SHTN1: variants seen among roughly 807,000 people sequenced by gnomAD.
SHTN1 encodes shootin 1, also known as shootin-1.
SHTN1 carries 42 observed loss-of-function variants against 83.1 expected under a neutral mutation model. That is an observed-to-expected ratio of 0.51 (90% CI 0.39 to 0.65). The LOEUF is 0.65. Ranked by LOEUF, SHTN1 falls within the 30% of genes least tolerant of loss-of-function variation. The pLI is 0.00. For synonymous variants in SHTN1, 224 were observed against 247.7 expected (o/e 0.90, Z 0.90); for missense variants, 622 against 737.8 (o/e 0.84, Z 1.82).
intron 6 of SHTN1, 88 bp from the exon 7 acceptor site, chr10:116,949,085 C>T (rs1849686688): frequency 1.5e-6 from 2 of 1,300,066 alleles, no homozygotes; most frequent in Admixed American, 3.7e-5. Flanking sequence ...TGCTGTTCAA[C>T]TTTCAACATG....
chr10:117,002,045 A>G (rs1851838211), intron 1 of SHTN1, among the ~76,000 whole-genome samples: 1 of 152,216 alleles, frequency 6.6e-6, no homozygotes, highest in East Asian at 1.9e-4. Flanking sequence ...CAGGCCATCA[A>G]ATGAATAAAG....
At chr10:117,112,522 T>C (rs1853782688) in intron 1 of SHTN1, among the ~76,000 whole-genome samples, 1 of 152,250 alleles carries the variant, frequency 6.6e-6, no homozygotes, top group Admixed American at 6.5e-5. Context: ...ACAATAACCA[T>C]TGTTTCATTA....
chr10:116,883,988 C>A lies in SHTN1; in HGVS notation c.*2356G>T, dbSNP rs553769828. ...AAAGTACCTCTATCTCTGTTCCTCA[C>A]TCGGGCTATAAAATGCATCAACATT... On this transcript the variant is annotated 3_prime_UTR_variant, in exon 17 of 17. Transcript: ENST00000355371. The A allele has an allele frequency of 1.8e-5, 4 of 224,830 alleles. No individual in the cohort carries two copies. Among genetic ancestry groups the A allele is most frequent in the Non-Finnish European group, 3.7e-5 (4 of 107,470 alleles). The allele number at this position is 224,830 out of a possible 1,614,324, so 13.9% of individuals were successfully genotyped here.
intron 8 of SHTN1, 101 bp downstream of exon 8, chr10:116,944,823 G>A (rs561890524): frequency 1.1e-4 from 79 of 737,266 alleles, no homozygotes; most frequent in South Asian, 8.4e-4. Flanking sequence ...TCAGGGAGTC[G>A]GAGGTTGCAG....
chr10:117,071,073 TAAC>T (rs1340716309), intron 1 of SHTN1, among the ~76,000 whole-genome samples: 3 of 152,154 alleles, frequency 2.0e-5, no homozygotes, highest in Non-Finnish European at 4.4e-5. Context: ...TTCCTACCTT[TAAC>T]AATAAAGCAG....
intron 1 of SHTN1, among the ~76,000 whole-genome samples, chr10:117,102,457 G>A (rs1418594525): frequency 6.6e-6 from 1 of 152,076 alleles, no homozygotes; most frequent in African/African-American, 2.4e-5. Context: ...CTGAGGAAAT[G>A]GGCTGCCAGT....
chr10:116,896,115 A>G (rs952879186), intron 16 of SHTN1, among the ~76,000 whole-genome samples: 2 of 152,232 alleles, frequency 1.3e-5, no homozygotes, highest in African/African-American at 2.4e-5. Flanking sequence ...AAAGAGTAAT[A>G]GAAGTATTAA....
At chr10:117,104,052 G>A (rs907580816) in intron 1 of SHTN1, among the ~76,000 whole-genome samples, 1 of 152,122 alleles carries the variant, frequency 6.6e-6, no homozygotes, top group African/African-American at 2.4e-5. Context: ...TATAGATGGG[G>A]AAGCTGAGGC....
At chr10:116,900,711 A>C in intron 16 of SHTN1, 1 of 984,078 alleles carries the variant, frequency 1.0e-6, no homozygotes, top group Non-Finnish European at 1.2e-6. Context: ...ATGGAGAATG[A>C]ATATAGATCA....
chr10:117,120,052 G>A (rs530170695), intron 1 of SHTN1, among the ~76,000 whole-genome samples: 3 of 152,152 alleles, frequency 2.0e-5, no homozygotes, highest in Non-Finnish European at 2.9e-5. Context: ...GGGAGCAGTG[G>A]GGCAGGTAAG....
At chr10:116,960,356 G>C in intron 3 of SHTN1, 126 bp from the exon 4 acceptor site, 1 of 560,134 alleles carries the variant, frequency 1.8e-6, no homozygotes, top group East Asian at 2.8e-5. Flanking sequence ...AGCTATCACT[G>C]AAAAAAGGTT....
rs369395676 is a variant in SHTN1, at chr10:117,061,659, C to T, written c.-188-13149G>A. On this transcript the variant is annotated intron_variant, in intron 1 of 17. Transcript: ENST00000392901. Reference sequence around the variant, plus strand: ...CAATTTTGTATTTTTTTAGTAGAGACGGGGTTTCTCTATGTTGGTCAGGCT... The same window carrying T: ...CAATTTTGTATTTTTTTAGTAGAGATGGGGTTTCTCTATGTTGGTCAGGCT... Among the ~76,000 whole-genome samples, 9 of 151,836 alleles carry T rather than the reference C, an allele frequency of 5.9e-5. No homozygotes were observed. In the South Asian group the frequency reaches 1.0e-3, roughly 18 times the overall value.
At chr10:117,010,662 AT>A (rs1215057307) in intron 2 of SHTN1, among the ~76,000 whole-genome samples, 1 of 152,222 alleles carries the variant, frequency 6.6e-6, no homozygotes, top group Non-Finnish European at 1.5e-5. Flanking sequence ...TCTTATGAAT[AT>A]GGTTGCAAAA....
intron 16 of SHTN1, among the ~76,000 whole-genome samples, chr10:116,890,111 G>A (rs1017906443): frequency 6.6e-6 from 1 of 152,122 alleles, no homozygotes; most frequent in Non-Finnish European, 1.5e-5. Flanking sequence ...AGAAATCCCA[G>A]AAGCTCAAAT....
rs1850135235 is a variant in SHTN1 at position 116,960,173 on chromosome 10, T to C, written c.230A>G (p.Lys77Arg). 6.2e-7 allele frequency: 1 copy of C among 1,611,808 alleles called. No homozygotes were observed. The highest frequency in any genetic ancestry group is 1.7e-5 in the Admixed American group (1 of 60,000). Residue 77 changes from lysine (K) to arginine (R), a missense_variant, in exon 4 of 17, where the codon AAG becomes AGG. This residue lies in a region of SHTN1 where 383 missense variants were observed against 455.8 expected (regional missense o/e 0.84). Transcript: ENST00000355371. ...NFMQNHLEIE[K>R]TCRESAEALA... Reference sequence around the variant, plus strand: ...AGCTTCAGCACTTTCTCGACAAGTCTTCTCTATTTCAAGATGGTTCTGCAT... The same window carrying C: ...AGCTTCAGCACTTTCTCGACAAGTCCTCTCTATTTCAAGATGGTTCTGCAT...
At chr10:116,965,545 C>T (rs1041516986) in intron 3 of SHTN1, among the ~76,000 whole-genome samples, 9 of 152,102 alleles carry the variant, frequency 5.9e-5, no homozygotes, top group South Asian at 4.2e-4. Flanking sequence ...AGTAGGTTAA[C>T]GTTACAGGGA....
At chr10:116,899,915 G>A (rs934554090) in intron 16 of SHTN1, among the ~76,000 whole-genome samples, 1 of 152,054 alleles carries the variant, frequency 6.6e-6, no homozygotes, top group Non-Finnish European at 1.5e-5. Context: ...CAGTTTCAGG[G>A]GATTCTGACA....
chr10:117,005,379 CGGCAGGACGCGCTGGTGGGAGGGGG>C, upstream of SHTN1: 1 of 1,187,954 alleles, frequency 8.4e-7, no homozygotes, highest in African/African-American at 1.6e-5. Context: ...GCTGCCGGCG[CGGCAGGACGCGCTGGTGGGAGGGGG>C]GGCGGCCCTG....
chr10:116,881,972 CTCAG>C lies in SHTN1; in HGVS notation c.*4368_*4371del, dbSNP rs199801195. On this transcript the variant is annotated 3_prime_UTR_variant, in exon 17 of 17. Coordinates refer to ENST00000355371, the MANE Select transcript of SHTN1 (RefSeq NM_001127211.3). ...CAATATTTTTGTTGCCAACTCCACA[CTCAG>C]TCAAACACCCCATCCTTTACCAATC... is the stretch of plus-strand genomic sequence containing the variant. 1,074 of 242,038 alleles carry C rather than the reference CTCAG, an allele frequency of 4.4e-3. 14 individuals are homozygous for C. The highest frequency in any genetic ancestry group is 0.023 in the African/African-American group (1,010 of 44,834). The allele number at this position is 242,038 out of a possible 1,614,324, so 15.0% of individuals were successfully genotyped here.
Sources: gnomAD v4.1 joint callset for allele counts (sites outside exome capture counted in the v4.1 genomes callset) on GRCh38, gnomAD v4.1.1 for gene constraint, gnomAD v4.1.1 regional missense constraint, MANE v1.5 for transcripts, NCBI Gene and HGNC (gene_info 2026-07-23, HGNC 2026-07-21) for gene names.